TRDN: variants seen among roughly 807,000 people sequenced by gnomAD.
TRDN encodes triadin in skeletal muscle.
In TRDN, 161 loss-of-function variants were observed where a neutral mutation model predicts 149.7. The ratio of observed to expected loss-of-function variants is 1.08; its 90% CI spans 0.95 to 1.23. The LOEUF (loss-of-function observed/expected upper bound fraction) is 1.23. Among genes scored for constraint, TRDN ranks in the 50% most tolerant of loss-of-function variants. The pLI, the probability that TRDN is intolerant of heterozygous loss-of-function variation, is 0.00. For synonymous variants in TRDN, 294 were observed against 250.5 expected, an observed-to-expected ratio of 1.17 and a Z score of -1.64; for missense variants, 896 against 823.5, an observed-to-expected ratio of 1.09 and a Z score of -1.08.
chr6:123,540,516 GT>G (rs1420549751), intron 4 of TRDN, among the ~76,000 whole-genome samples: 1 of 151,986 alleles, frequency 6.6e-6, no homozygotes, highest in Non-Finnish European at 1.5e-5. Flanking sequence ...CAGAAAAAGT[GT>G]TTTTTTGTTT....
intron 19 of TRDN, among the ~76,000 whole-genome samples, chr6:123,369,718 A>G (rs368255068): frequency 6.6e-6 from 1 of 151,960 alleles, no homozygotes; most frequent in East Asian, 1.9e-4. Context: ...ACCAGCACAT[A>G]CTCATCCATT....
At chr6:123,508,322 A>C (rs1779020883) in intron 7 of TRDN, among the ~76,000 whole-genome samples, 1 of 152,218 alleles carries the variant, frequency 6.6e-6, no homozygotes, top group Non-Finnish European at 1.5e-5. Flanking sequence ...ATCACAGTGA[A>C]TTGCACACGT....
rs202184120 is a variant in TRDN, at chr6:123,218,583, A to C, written c.*18T>G. 165 of 1,601,736 alleles carry C rather than the reference A, an allele frequency of 1.0e-4. No homozygotes were observed. The highest frequency in any genetic ancestry group is 1.4e-4 in the Non-Finnish European group (161 of 1,174,878). ...TTTTTAAAATCTTAAAGCACTTGTA[A>C]GGGTCATACATGTGTGTTTACTGTC... On this transcript the variant is annotated 3_prime_UTR_variant, in exon 41 of 41. Transcript: ENST00000334268.
At chr6:123,308,090 G>C (rs1383952072) in intron 24 of TRDN, among the ~76,000 whole-genome samples, 1 of 151,844 alleles carries the variant, frequency 6.6e-6, no homozygotes, top group Non-Finnish European at 1.5e-5. Flanking sequence ...TTAGCTCCCA[G>C]TTATAACTGA....
chr6:123,485,203 T>C (rs767718171), intron 9 of TRDN, among the ~76,000 whole-genome samples: 17 of 152,158 alleles, frequency 1.1e-4, no homozygotes, highest in African/African-American at 2.7e-4. Context: ...CCTAATTCTG[T>C]ATGCTGCCTG....
chr6:123,417,098 G>A (rs138464608), intron 12 of TRDN, among the ~76,000 whole-genome samples: 312 of 152,326 alleles, frequency 2.0e-3, no homozygotes, highest in Non-Finnish European at 3.2e-3. Flanking sequence ...AGGAGAATAA[G>A]AGAATCATTA....
chr6:123,230,196 C>A (rs919538573), intron 38 of TRDN, among the ~76,000 whole-genome samples: 10 of 151,910 alleles, frequency 6.6e-5, no homozygotes, highest in African/African-American at 2.4e-4. Flanking sequence ...CCATGTAATA[C>A]TATGCAGCCA....
chr6:123,454,293 G>T (rs548058109), intron 10 of TRDN, among the ~76,000 whole-genome samples: 1 of 152,184 alleles, frequency 6.6e-6, no homozygotes, highest in South Asian at 2.1e-4. Flanking sequence ...GTTAAAAAAT[G>T]ATATCATACT....
intron 3 of TRDN, among the ~76,000 whole-genome samples, chr6:123,547,655 C>T (rs771955207): frequency 6.6e-6 from 1 of 151,846 alleles, no homozygotes; most frequent in Non-Finnish European, 1.5e-5. Context: ...CTCTATTGTT[C>T]ATGTTGAACT....
At chr6:123,373,479 T>G (rs1781397905) in intron 19 of TRDN, among the ~76,000 whole-genome samples, 1 of 152,122 alleles carries the variant, frequency 6.6e-6, no homozygotes, top group South Asian at 2.1e-4. Context: ...TAATATATGC[T>G]CTATTCTGAA....
chr6:123,294,722 C>G (rs1778133901), intron 24 of TRDN, among the ~76,000 whole-genome samples: 1 of 152,076 alleles, frequency 6.6e-6, no homozygotes, highest in Non-Finnish European at 1.5e-5. Context: ...AGACTAATAA[C>G]AGTCAATGGC....
intron 24 of TRDN, among the ~76,000 whole-genome samples, chr6:123,296,759 T>C (rs577945846): frequency 5.9e-5 from 9 of 152,104 alleles, no homozygotes; most frequent in South Asian, 2.1e-4. Flanking sequence ...TGGAAATATG[T>C]TCTTAGGGAT....
intron 8 of TRDN, 187 bp downstream of exon 8, chr6:123,503,532 T>C (rs980292203): frequency 1.4e-6 from 2 of 1,422,428 alleles, no homozygotes; most frequent in Non-Finnish European, 1.8e-6. Context: ...GAACACATTT[T>C]AGTATTTTTA....
intron 12 of TRDN, among the ~76,000 whole-genome samples, chr6:123,419,561 A>G (rs1773806771): frequency 6.6e-6 from 1 of 152,002 alleles, no homozygotes; most frequent in Non-Finnish European, 1.5e-5. Flanking sequence ...GTTTATAGAC[A>G]GGGGGCGGGT....
intron 24 of TRDN, among the ~76,000 whole-genome samples, chr6:123,283,039 A>G (rs1777638841): frequency 6.6e-6 from 1 of 151,826 alleles, no homozygotes; most frequent in African/African-American, 2.4e-5. Context: ...GATCCTGGAA[A>G]TCATCGGAAT....
intron 19 of TRDN, among the ~76,000 whole-genome samples, chr6:123,373,908 G>A (rs1230289166): frequency 6.6e-6 from 1 of 152,050 alleles, no homozygotes; most frequent in Non-Finnish European, 1.5e-5. Context: ...TTTCATTTTA[G>A]GCATTAACTT....
chr6:123,238,445 G>A (rs1775869749), intron 38 of TRDN, among the ~76,000 whole-genome samples: 1 of 151,904 alleles, frequency 6.6e-6, no homozygotes, highest in East Asian at 1.9e-4. Context: ...TAAAGTAATA[G>A]AAATAAGGTA....
At chr6:123,547,581 C>T (rs1251498834) in intron 3 of TRDN, among the ~76,000 whole-genome samples, 4 of 151,590 alleles carry the variant, frequency 2.6e-5, no homozygotes, top group Non-Finnish European at 5.9e-5. Context: ...TTTATGAATT[C>T]AATAAAATTG....
intron 20 of TRDN, among the ~76,000 whole-genome samples, chr6:123,361,306 C>G (rs1344328325): frequency 6.6e-6 from 1 of 152,062 alleles, no homozygotes; most frequent in Non-Finnish European, 1.5e-5. Context: ...ATTGCATGTT[C>G]TCACACATAA....
Sources: gnomAD v4.1 joint callset for allele counts (sites outside exome capture counted in the v4.1 genomes callset) on GRCh38, gnomAD v4.1.1 for gene constraint, MANE v1.5 for transcripts, NCBI Gene and HGNC (gene_info 2026-07-23, HGNC 2026-07-21) for gene names.